The following ZFP90 variants were observed in gnomAD, a reference collection of about 807,000 sequenced individuals.
The protein encoded by ZFP90 is ZFP90 zinc finger protein, also known as zinc finger protein 90 homolog.
In ZFP90, 38 loss-of-function variants were observed where a neutral mutation model predicts 60.8. The observed-to-expected ratio is 0.62, with a 90% confidence interval of 0.48 to 0.82. The LOEUF (loss-of-function observed/expected upper bound fraction) is 0.82, where lower values mean the gene tolerates loss of function less well. Among genes scored for constraint, ZFP90 ranks in the 40% least tolerant of loss-of-function variants. The probability of loss-of-function intolerance (pLI) is 0.00; values close to 1 mark genes in which losing one functional copy is unlikely to be tolerated. For missense variants in ZFP90, 711 were observed against 759.1 expected, an observed-to-expected ratio of 0.94 and a Z score of 0.74; for synonymous variants, 287 against 264.8, an observed-to-expected ratio of 1.08 and a Z score of -0.82.
At chr16:68,569,559 C>T (rs1477880430), downstream of ZFP90, among the ~76,000 whole-genome samples, 2 of 152,282 alleles carry the variant, frequency 1.3e-5, no homozygotes, top group Middle Eastern at 3.4e-3. Context: ...TTCGCCCAGT[C>T]CTCACTCAGC....
At chr16:68,571,645 G>A (rs2091568723), downstream of ZFP90, among the ~76,000 whole-genome samples, 2 of 152,154 alleles carry the variant, frequency 1.3e-5, no homozygotes, top group African/African-American at 4.8e-5. Flanking sequence ...AAAGAAGGGA[G>A]GGACCCAGCA....
Position 68,539,428 on chromosome 16 carries a change from G to C in ZFP90, c.-87G>C. On this transcript the variant is annotated 5_prime_UTR_variant, in exon 1 of 5. Transcript: ENST00000563169. ...GGCGGGAGGAGCTGCCCGAGGCTCT[G>C]GGTGGGCCGGAGGTCGCGAAATCCG... 2 of 338,654 alleles carry C rather than the reference G, an allele frequency of 5.9e-6. No individual in the cohort carries two copies. The highest frequency in any genetic ancestry group is 1.1e-5 in the Non-Finnish European group (2 of 185,850). The allele number at this position is 338,654 out of a possible 1,614,324, so 21.0% of individuals were successfully genotyped here.
At chr16:68,561,806 G>C (rs980831313) in intron 4 of ZFP90, among the ~76,000 whole-genome samples, 1 of 152,054 alleles carries the variant, frequency 6.6e-6, no homozygotes, top group African/African-American at 2.4e-5. Context: ...CTGTCCTCAG[G>C]AGTTGAGTTG....
At chr16:68,559,016 A>T (rs912439298) in intron 4 of ZFP90, among the ~76,000 whole-genome samples, 1 of 151,714 alleles carries the variant, frequency 6.6e-6, no homozygotes, top group African/African-American at 2.4e-5. Context: ...TCTTCCTTCC[A>T]TCTCATGTTC....
chr16:68,563,379 T>A lies in ZFP90; in HGVS notation c.592T>A (p.Leu198Ile). 3 of 1,613,860 alleles carry A rather than the reference T, an allele frequency of 1.9e-6. No individual in the cohort carries two copies. The highest frequency in any genetic ancestry group is 2.5e-6 in the Non-Finnish European group (3 of 1,179,958). The change falls in exon 5 of 5, where the codon TTA (leucine) becomes ATA (isoleucine). Residue 198 changes from leucine to isoleucine, a missense_variant. Coordinates refer to ENST00000563169, the MANE Select transcript of ZFP90 (RefSeq NM_001305203.2). ...AAGCAATTTGGGACATAATGCAGAC[T>A]TACTTAATGAGAATAATATTCTTGC... ...LGSNLGHNAD[L>I]LNENNILAKK...
At chr16:68,536,239 C>T (rs900392678), upstream of ZFP90, among the ~76,000 whole-genome samples, 2 of 152,180 alleles carry the variant, frequency 1.3e-5, no homozygotes, top group Non-Finnish European at 2.9e-5. Flanking sequence ...TCACATTCAT[C>T]TTGCAAGTAG....
chr16:68,569,447 T>G (rs2091555721), downstream of ZFP90, among the ~76,000 whole-genome samples: 1 of 152,344 alleles, frequency 6.6e-6, no homozygotes. Context: ...TTAGTCCCAC[T>G]TTTCTTGTAT....
intron 2 of ZFP90, among the ~76,000 whole-genome samples, chr16:68,542,781 CTCGTTCAT>C (rs945312845): frequency 2.0e-5 from 3 of 152,122 alleles, no homozygotes; most frequent in African/African-American, 7.2e-5. Context: ...GGCCTTGTAA[CTCGTTCAT>C]TCATCATTCA....
rs569017273 is a variant in ZFP90, at chr16:68,557,300, C to G, written c.34-698C>G. The G allele has an allele frequency of 7.0e-5, 32 of 455,434 alleles. No homozygotes were observed. The Admixed American group carries it at 7.5e-4, about 11-fold the overall frequency. 28.2% of individuals were successfully genotyped at this position (455,434 alleles called of 1,614,324 possible). Reference sequence around the variant, plus strand: ...AAGTGTTAGGATTACAGGTGTGAACCACCCGCGTGCCCTGTCGCATTTTAT... The same window carrying G: ...AAGTGTTAGGATTACAGGTGTGAACGACCCGCGTGCCCTGTCGCATTTTAT... On this transcript the variant is annotated intron_variant, in intron 2 of 4. Transcript: ENST00000563169.
At chr16:68,547,308 T>TCACTACA (rs2091169038) in intron 2 of ZFP90, among the ~76,000 whole-genome samples, 1 of 152,318 alleles carries the variant, frequency 6.6e-6, no homozygotes, top group Admixed American at 6.5e-5. Context: ...TCCTAACCAG[T>TCACTACA]GTGAGGTGAT....
At chr16:68,536,359 C>T (rs867653158), upstream of ZFP90, among the ~76,000 whole-genome samples, 3 of 152,144 alleles carry the variant, frequency 2.0e-5, no homozygotes, top group Admixed American at 1.3e-4. Flanking sequence ...AGCTGGAGTA[C>T]AGTGGCACGA....
intron 2 of ZFP90, among the ~76,000 whole-genome samples, chr16:68,572,173 CAA>C (rs1438857117): frequency 1.1e-5 from 1 of 89,124 alleles, no homozygotes; most frequent in Non-Finnish European, 2.3e-5. Flanking sequence ...GACCAGCTGA[CAA>C]ACACTTTTTT....
chr16:68,545,950 G>T (rs757529265), intron 2 of ZFP90, among the ~76,000 whole-genome samples: 1 of 152,176 alleles, frequency 6.6e-6, no homozygotes, highest in East Asian at 1.9e-4. Context: ...CGAGACAGGC[G>T]AATTGCATGA....
At chr16:68,553,420 A>C (rs533037484) in intron 2 of ZFP90, among the ~76,000 whole-genome samples, 1 of 152,088 alleles carries the variant, frequency 6.6e-6, no homozygotes, top group East Asian at 1.9e-4. Context: ...AGTGTCTTCC[A>C]GGAATCAGAA....
At chr16:68,543,809 T>G (rs1267135008) in intron 2 of ZFP90, among the ~76,000 whole-genome samples, 1 of 151,826 alleles carries the variant, frequency 6.6e-6, no homozygotes, top group African/African-American at 2.4e-5. Flanking sequence ...TCTGCCTGTC[T>G]CAGCCTCCCA....
At chr16:68,575,633 A>G (rs1487979060) in intron 2 of ZFP90, among the ~76,000 whole-genome samples, 3 of 151,984 alleles carry the variant, frequency 2.0e-5, no homozygotes, top group Non-Finnish European at 2.9e-5. Context: ...TATATGTAAA[A>G]TAGATGAAGG....
chr16:68,570,611 G>A (rs930233731), downstream of ZFP90, among the ~76,000 whole-genome samples: 3 of 152,186 alleles, frequency 2.0e-5, no homozygotes, highest in East Asian at 1.9e-4. Context: ...AGGGTCTTAC[G>A]CTAATGAGCA....
chr16:68,565,656 G>C lies in ZFP90; in HGVS notation c.*958G>C. 1 of 985,492 alleles carries C rather than the reference G, an allele frequency of 1.0e-6. No homozygotes were observed. Among genetic ancestry groups the C allele is most frequent in the Non-Finnish European group, 1.2e-6 (1 of 829,924 alleles). The allele number at this position is 985,492 out of a possible 1,614,324, so 61.0% of individuals were successfully genotyped here. Reference sequence around the variant, plus strand: ...TGCCCATGAAAAAGCACTTTCTTAAGCCTACAGTATCAGATCAATGGGAAA... The same window carrying C: ...TGCCCATGAAAAAGCACTTTCTTAACCCTACAGTATCAGATCAATGGGAAA... On this transcript the variant is annotated 3_prime_UTR_variant, in exon 5 of 5. Coordinates refer to ENST00000563169, the MANE Select transcript of ZFP90 (RefSeq NM_001305203.2).
chr16:68,570,254 C>T (rs1026078827), downstream of ZFP90, among the ~76,000 whole-genome samples: 4 of 152,124 alleles, frequency 2.6e-5, no homozygotes, highest in African/African-American at 9.7e-5. Flanking sequence ...GTGGCTAAAT[C>T]CAGTGGTCTT....
Sources: allele counts gnomAD v4.1 joint callset (sites outside exome capture counted in the v4.1 genomes callset), GRCh38; gene constraint gnomAD v4.1.1; transcripts MANE v1.5; gene names NCBI Gene and HGNC (gene_info 2026-07-23, HGNC 2026-07-21).